CRB1: variants seen among roughly 807,000 people sequenced by gnomAD.
CRB1 encodes the protein protein crumbs homolog 1.
A neutral mutation model predicts 120.0 loss-of-function variants in CRB1; 83 were observed. The ratio of observed to expected loss-of-function variants is 0.69; its 90% confidence interval spans 0.58 to 0.83. CRB1 has a LOEUF of 0.83. Ranked by LOEUF, CRB1 falls within the 40% of genes least tolerant of loss-of-function variation. The pLI, the probability that CRB1 is intolerant of heterozygous loss-of-function variation, is 0.00. For synonymous variants in CRB1, 625 were observed against 612.5 expected (o/e 1.02, Z -0.30); for missense variants, 1,699 against 1,687.6 (o/e 1.01, Z -0.12).
At chr1:197,352,349 G>C (rs140337319) in intron 4 of CRB1, among the ~76,000 whole-genome samples, 2 of 152,240 alleles carry the variant, frequency 1.3e-5, no homozygotes, top group Non-Finnish European at 2.9e-5. Flanking sequence ...TTCACGATTG[G>C]AATGAGATAA....
intron 2 of CRB1, among the ~76,000 whole-genome samples, chr1:197,335,810 A>G (rs1173696697): frequency 6.6e-6 from 1 of 152,162 alleles, no homozygotes; most frequent in Non-Finnish European, 1.5e-5. Flanking sequence ...ATCAAGTTTT[A>G]ACAGTAACTT....
At chr1:197,327,953 A>G (rs1364389813) in intron 1 of CRB1, among the ~76,000 whole-genome samples, 2 of 152,238 alleles carry the variant, frequency 1.3e-5, no homozygotes, top group East Asian at 1.9e-4. Context: ...TGAAACTCAC[A>G]GTGGTAGAAT....
At chr1:197,319,296 C>T (rs1032910748) in intron 1 of CRB1, among the ~76,000 whole-genome samples, 56 of 128,760 alleles carry the variant, frequency 4.3e-4, no homozygotes, top group South Asian at 3.6e-3. Flanking sequence ...GACGTGGTGG[C>T]GGGTGCCTGT....
intron 11 of CRB1, chr1:197,443,459 A>C (rs1665557154): frequency 6.6e-6 from 1 of 151,934 alleles, no homozygotes; most frequent in South Asian, 2.1e-4. Flanking sequence ...TAAATTTATG[A>C]GCTCCTTGAC....
rs1667292118 is a variant in CRB1 at position 197,478,369 on chromosome 1, C to T, written c.*490C>T. 5.9e-6 allele frequency: 1 copy of T among 168,662 alleles called. No individual in the cohort carries two copies. The highest frequency in any genetic ancestry group is 5.6e-5 in the Admixed American group (1 of 17,916). 10.4% of individuals were successfully genotyped at this position (168,662 alleles called of 1,614,324 possible). A position where few individuals can be genotyped will look rare whatever the true frequency, so the allele number is the denominator to read the frequency against. On this transcript the variant is annotated 3_prime_UTR_variant, in exon 12 of 12. Coordinates refer to ENST00000367400, the MANE Select transcript of CRB1 (RefSeq NM_201253.3). ...CAGCGATGGGATGTATACTTTTGTC[C>T]TTCATTCATGGATTCAGAGAAAGCT... is the stretch of plus-strand genomic sequence containing the variant.
chr1:197,267,580 G>A (rs2125193141), upstream of CRB1, among the ~76,000 whole-genome samples: 1 of 152,190 alleles, frequency 6.6e-6, no homozygotes, highest in East Asian at 1.9e-4. Flanking sequence ...AGAAAATAAA[G>A]CATTCTGGTT....
intron 1 of CRB1, among the ~76,000 whole-genome samples, chr1:197,304,614 C>T (rs1030365462): frequency 1.3e-5 from 2 of 152,170 alleles, no homozygotes; most frequent in African/African-American, 4.8e-5. Context: ...TTCTCACTTT[C>T]CTTGCAGTAG....
intron 11 of CRB1, among the ~76,000 whole-genome samples, chr1:197,460,735 T>C (rs1571612380): frequency 6.6e-6 from 1 of 152,180 alleles, no homozygotes; most frequent in East Asian, 1.9e-4. Context: ...TCCTAGTTTG[T>C]GAAGTGCAAC....
intron 5 of CRB1, among the ~76,000 whole-genome samples, chr1:197,376,379 A>G (rs779300203): frequency 6.6e-6 from 1 of 152,194 alleles, no homozygotes; most frequent in Non-Finnish European, 1.5e-5. Flanking sequence ...CATGAAACCC[A>G]AAAGAAAAAA....
chr1:197,278,157 G>T (rs1327922746), intron 1 of CRB1, among the ~76,000 whole-genome samples: 1 of 151,840 alleles, frequency 6.6e-6, no homozygotes, highest in East Asian at 1.9e-4. Flanking sequence ...GGCGGTTTTA[G>T]GGGGTGGGGC....
intron 1 of CRB1, among the ~76,000 whole-genome samples, chr1:197,269,661 A>G (rs1047789550): frequency 6.6e-6 from 1 of 152,142 alleles, no homozygotes; most frequent in African/African-American, 2.4e-5. Context: ...GAAAGGGAGA[A>G]AAAGAAATAA....
upstream of CRB1, among the ~76,000 whole-genome samples, chr1:197,267,022 C>T (rs79190876): frequency 0.013 from 1,998 of 152,256 alleles, 23 homozygotes; most frequent in Non-Finnish European, 0.022. Flanking sequence ...AAAGAGACTT[C>T]ACAAGATTTA....
chr1:197,284,926 T>C (rs531399026), intron 1 of CRB1, among the ~76,000 whole-genome samples: 1 of 152,080 alleles, frequency 6.6e-6, no homozygotes, highest in South Asian at 2.1e-4. Context: ...TCCTTTCACG[T>C]CAAATAAAAT....
chr1:197,425,885 GC>G (rs1664556943), intron 6 of CRB1, among the ~76,000 whole-genome samples: 1 of 151,770 alleles, frequency 6.6e-6, no homozygotes, highest in Admixed American at 6.6e-5. Context: ...TTGGATGTAT[GC>G]CCCCTCCAAA....
chr1:197,445,053 G>A (rs1315815642), intron 11 of CRB1, among the ~76,000 whole-genome samples: 2 of 152,064 alleles, frequency 1.3e-5, no homozygotes, highest in African/African-American at 4.8e-5. Flanking sequence ...TAATCCTCTA[G>A]TTGGCATTCT....
chr1:197,324,591 C>A (rs979369566), intron 1 of CRB1, among the ~76,000 whole-genome samples: 2 of 152,110 alleles, frequency 1.3e-5, no homozygotes, highest in Admixed American at 1.3e-4. Flanking sequence ...TATAACAACT[C>A]TATGAGATAG....
chr1:197,292,679 G>A (rs1006550859), intron 1 of CRB1, among the ~76,000 whole-genome samples: 1 of 152,014 alleles, frequency 6.6e-6, no homozygotes, highest in African/African-American at 2.4e-5. Flanking sequence ...CTGGCAAACC[G>A]AATCCAGCAG....
At chr1:197,291,031 A>G (rs986973017) in intron 1 of CRB1, among the ~76,000 whole-genome samples, 1 of 151,858 alleles carries the variant, frequency 6.6e-6, no homozygotes, top group Non-Finnish European at 1.5e-5. Flanking sequence ...TCTCGATTTT[A>G]TACTTATATG....
chr1:197,452,680 G>C (rs1666029415), intron 11 of CRB1, among the ~76,000 whole-genome samples: 1 of 152,160 alleles, frequency 6.6e-6, no homozygotes, highest in East Asian at 1.9e-4. Flanking sequence ...TTTAGAACCT[G>C]GGAGTACTTA....
Sources: allele counts gnomAD v4.1 joint callset (sites outside exome capture counted in the v4.1 genomes callset), GRCh38; gene constraint gnomAD v4.1.1; transcripts MANE v1.5; gene names NCBI Gene and HGNC (gene_info 2026-07-23, HGNC 2026-07-21).